The following POLQ variants were observed in gnomAD, a reference collection of about 807,000 sequenced individuals.
The protein encoded by POLQ is epididymis secretory sperm binding protein.
A neutral mutation model predicts 259.2 loss-of-function variants in POLQ; 233 were observed. The ratio of observed to expected loss-of-function variants is 0.90; its 90% CI spans 0.81 to 1.00. POLQ has a LOEUF of 1.00. Among genes scored for constraint, POLQ ranks in the 50% least tolerant of loss-of-function variants. The pLI is 0.00. For synonymous variants in POLQ, 1,025 were observed against 1,048.8 expected (o/e 0.98, Z 0.44); for missense variants, 2,871 against 3,051.6 (o/e 0.94, Z 1.39).
chr3:121,529,780 G>A lies in POLQ; in HGVS notation c.973C>T (p.His325Tyr), dbSNP rs761167595. 12 of 1,608,862 alleles carry A rather than the reference G, an allele frequency of 7.5e-6. 1 individual carries two copies. In the South Asian group the frequency reaches 1.2e-4, roughly 16 times the overall value. Residue 325 changes from histidine to tyrosine, a missense_variant, in exon 7 of 30, where the codon CAT (histidine) becomes TAT (tyrosine). By Grantham distance (83) the His-to-Tyr change is moderately conservative (BLOSUM62 2). Transcript: ENST00000264233. Reference sequence around the variant, plus strand: ...GTCTCATAACATAAACTAACAACATGGTCCTCATCTCCCTAAAACAGAAAG... The same window carrying A: ...GTCTCATAACATAAACTAACAACATAGTCCTCATCTCCCTAAAACAGAAAG... ...PMLQVKGDED[H>Y]VVSLCYETIC...
chr3:121,488,654 T>G lies in POLQ; in HGVS notation c.4277A>C (p.Asn1426Thr), dbSNP rs1438942080. Residue 1426 changes from asparagine to threonine, a missense_variant, in exon 16 of 30, where the codon AAT becomes ACT. Asn to Thr is a moderately conservative substitution (Grantham distance 65). This residue lies in a region of POLQ where 2,080 missense variants were observed against 2,126.0 expected (regional missense o/e 0.98). Coordinates refer to ENST00000264233, the MANE Select transcript of POLQ (RefSeq NM_199420.4). ...IFHSPILLEENGLFLKKNEVS... is the reference protein window; with the variant it reads ...IFHSPILLEETGLFLKKNEVS... ...TTCATTCTTTTTTAAAAAAAGACCA[T>G]TTTCCTCCAATAGTATTGGAGAATG... The G allele has an allele frequency of 6.2e-7, 1 of 1,603,594 alleles. No individual in the cohort carries two copies. Among genetic ancestry groups the G allele is most frequent in the Admixed American group, 1.8e-5 (1 of 57,004 alleles).
At position 121,539,606 on chromosome 3, in the gene POLQ, G is replaced by C. The variant is rs1221696763; in HGVS notation, c.475-17C>G. 1 of 1,604,530 alleles carries C rather than the reference G, an allele frequency of 6.2e-7. No individual in the cohort carries two copies. The highest frequency in any genetic ancestry group is 8.5e-7 in the Non-Finnish European group (1 of 1,173,468). On this transcript the variant is annotated splice_polypyrimidine_tract_variant and intron_variant, in intron 3 of 29. Transcript: ENST00000264233. ...AAACAGACTCTGAATTGAGTAAAAA[G>C]GAACAATACAGGTGAAAAAACTTGA...
intron 6 of POLQ, 131 bp from the exon 7 acceptor site, chr3:121,529,923 T>A (rs2048399099): frequency 3.4e-6 from 2 of 594,612 alleles, no homozygotes. Flanking sequence ...AGTTACAAAG[T>A]CAATAACAAA....
chr3:121,520,063 C>T lies in POLQ; in HGVS notation c.1276G>A (p.Asp426Asn). ...HHAGLTFEER[D>N]IIEGAFRQGL... ...TGACGAAAGGCTCCTTCAATGATATCCCTCTCCTCAAAAGTAAGACCTAAA... is the reference window on the plus strand; with the variant it reads ...TGACGAAAGGCTCCTTCAATGATATTCCTCTCCTCAAAAGTAAGACCTAAA... The change falls in exon 9 of 30, where the codon GAT becomes AAT. Residue 426 changes from aspartate (D) to asparagine (N), a missense_variant. Physicochemically the swap from Asp to Asn is conservative, Grantham distance 23. Coordinates refer to ENST00000264233, the MANE Select transcript of POLQ (RefSeq NM_199420.4). 6.2e-7 allele frequency: 1 copy of T among 1,611,214 alleles called. No homozygotes were observed. The highest frequency in any genetic ancestry group is 1.1e-5 in the South Asian group (1 of 90,974).
At chr3:121,461,411 G>A (rs2047790218) in intron 24 of POLQ, among the ~76,000 whole-genome samples, 1 of 152,114 alleles carries the variant, frequency 6.6e-6, no homozygotes, top group South Asian at 2.1e-4. Context: ...CTAGCACTTT[G>A]GGAGGCCAAG....
intron 7 of POLQ, among the ~76,000 whole-genome samples, chr3:121,523,174 C>T (rs1340995537): frequency 6.6e-6 from 1 of 151,858 alleles, no homozygotes; most frequent in Non-Finnish European, 1.5e-5. Flanking sequence ...AGCCACTATG[C>T]CCAGCTAGCA....
In POLQ at chr3:121,460,059, C is replaced by T. The variant is rs776745528; in HGVS notation, c.7143G>A (p.Gln2381=). Reference sequence around the variant, plus strand: ...TGTTCACTAAAATCACCTGTTTTGCCTGCTGCCTCAGATCATCCCCAACAG... The same window carrying T: ...TGTTCACTAAAATCACCTGTTTTGCTTGCTGCCTCAGATCATCCCCAACAG... ...PESVGDDLRQ[Q]AKQICYGIIY... Residue 2381 remains glutamine (Q), a synonymous_variant, in exon 25 of 30, where the codon CAG becomes CAA. Coordinates refer to ENST00000264233, the MANE Select transcript of POLQ (RefSeq NM_199420.4). 5.6e-6 allele frequency: 9 copies of T among 1,613,274 alleles called. No homozygotes were observed. The highest frequency in any genetic ancestry group is 7.6e-6 in the Non-Finnish European group (9 of 1,179,458).
At chr3:121,445,634 G>A (rs981189102) in intron 26 of POLQ, among the ~76,000 whole-genome samples, 27 of 152,216 alleles carry the variant, frequency 1.8e-4, no homozygotes, top group African/African-American at 6.0e-4. Context: ...AGGCCAAGAT[G>A]GGCAGATCAC....
At chr3:121,471,951 CA>C in intron 22 of POLQ, 38 bp downstream of exon 22, 1 of 1,207,418 alleles carries the variant, frequency 8.3e-7, no homozygotes, top group South Asian at 2.3e-5. Flanking sequence ...GCTTTTCCTT[CA>C]AAATTGGATA....
Position 121,449,396 on chromosome 3 carries a change from C to T in POLQ, c.7183G>A (p.Ala2395Thr). The change falls in exon 26 of 30, where the codon GCT becomes ACT. Residue 2395 changes from alanine (A) to threonine (T), a missense_variant. Physicochemically the swap from Ala to Thr is moderately conservative, Grantham distance 58 (BLOSUM62 0). Transcript: ENST00000264233. ...ICYGIIYGMG[A>T]KSLGEQMGIK... is the part of the protein sequence containing the mutation. The stretch of plus-strand genomic sequence containing the variant: ...CCCATCTGCTCTCCCAAAGATTTAG[C>T]TCCCATTCCATAAATGATCCCATAG... The T allele has an allele frequency of 6.2e-7, 1 of 1,600,944 alleles. No homozygotes were observed. Among genetic ancestry groups the T allele is most frequent in the Non-Finnish European group, 8.6e-7 (1 of 1,168,114 alleles).
Position 121,545,919 on chromosome 3 carries a change from G to A in POLQ, c.-42C>T. The A allele has an allele frequency of 6.2e-7, 1 of 1,610,574 alleles. No individual in the cohort carries two copies. The highest frequency in any genetic ancestry group is 8.5e-7 in the Non-Finnish European group (1 of 1,178,442). On this transcript the variant is annotated 5_prime_UTR_variant, in exon 1 of 30. Coordinates refer to ENST00000264233, the MANE Select transcript of POLQ (RefSeq NM_199420.4). The stretch of plus-strand genomic sequence containing the variant: ...CCGATCAGGGCAAGCCACAGTCCCA[G>A]CGTCCTCCCTCTCGGGAGAACCCTG...
chr3:121,464,509 T>C (rs1409686007), intron 24 of POLQ, among the ~76,000 whole-genome samples: 1 of 152,230 alleles, frequency 6.6e-6, no homozygotes, highest in East Asian at 1.9e-4. Context: ...AATGCTCTGA[T>C]GTTGATGAAT....
chr3:121,538,060 G>C (rs1283684849), intron 4 of POLQ, among the ~76,000 whole-genome samples: 1 of 152,022 alleles, frequency 6.6e-6, no homozygotes, highest in African/African-American at 2.4e-5. Flanking sequence ...TTCTAAATTG[G>C]CAACTTCACC....
chr3:121,544,565 TTAAATA>T (rs41557615), intron 2 of POLQ, among the ~76,000 whole-genome samples, 156 bp downstream of exon 2: 5,496 of 152,280 alleles, frequency 0.036, 149 homozygotes, highest in Middle Eastern at 0.082. Context: ...CTTTTGTAAT[TTAAATA>T]TAAATAAAAC....
chr3:121,438,933 G>C (rs2047565765), intron 27 of POLQ, among the ~76,000 whole-genome samples: 1 of 152,124 alleles, frequency 6.6e-6, no homozygotes, highest in Non-Finnish European at 1.5e-5. Context: ...TGCTCTGAAG[G>C]CTTTGAGCTC....
intron 3 of POLQ, among the ~76,000 whole-genome samples, chr3:121,540,348 G>A (rs530492287): frequency 3.4e-4 from 52 of 152,156 alleles, no homozygotes; most frequent in Admixed American, 2.6e-3. Context: ...TTATATGCCC[G>A]GCCTAAAGAC....
At chr3:121,447,000 G>T (rs1019511512) in intron 26 of POLQ, among the ~76,000 whole-genome samples, 1 of 151,712 alleles carries the variant, frequency 6.6e-6, no homozygotes, top group African/African-American at 2.4e-5. Context: ...TTGTTTACTG[G>T]TTGTTCCATG....
Position 121,489,607 on chromosome 3 carries a change from T to G in POLQ, c.3324A>C (p.Lys1108Asn). The G allele has an allele frequency of 1.2e-6, 2 of 1,613,400 alleles. No homozygotes were observed. The highest frequency in any genetic ancestry group is 1.7e-6 in the Non-Finnish European group (2 of 1,179,668). The change falls in exon 16 of 30, where the codon AAA becomes AAC. Residue 1108 changes from lysine to asparagine, a missense_variant. Lys to Asn is a moderately conservative substitution (Grantham distance 94). Transcript: ENST00000264233. ...GTAATGGGAATGATGTTTTATTATCTTTTTCCTTACCACTCAAAGATACAT... is the reference window on the plus strand; with the variant it reads ...GTAATGGGAATGATGTTTTATTATCGTTTTCCTTACCACTCAAAGATACAT... ...AKNVSLSGKE[K>N]DNKTSFPLQI... is the part of the protein sequence containing the mutation.
intron 27 of POLQ, among the ~76,000 whole-genome samples, chr3:121,438,854 T>C (rs565895257): frequency 7.0e-4 from 106 of 152,312 alleles, no homozygotes; most frequent in Middle Eastern, 3.4e-3. Flanking sequence ...CATGTGGATA[T>C]ATGGGAGGCT....
Sources: allele counts gnomAD v4.1 joint callset (sites outside exome capture counted in the v4.1 genomes callset), GRCh38; gene constraint gnomAD v4.1.1; regional missense constraint gnomAD v4.1.1; transcripts MANE v1.5; gene names NCBI Gene and HGNC (gene_info 2026-07-23, HGNC 2026-07-21).